Variants in CSGALNACT1 observed in about 807,000 individuals in gnomAD.
CSGALNACT1 encodes the protein chondroitin sulfate N-acetylgalactosaminyltransferase 1.
Under a neutral mutation model 51.0 loss-of-function variants are expected in CSGALNACT1, and 52 were observed. The observed-to-expected ratio is 1.02, with a 90% CI of 0.82 to 1.29. The LOEUF is 1.29. Among genes scored for constraint, CSGALNACT1 ranks in the 50% most tolerant of loss-of-function variants. CSGALNACT1 has a pLI of 0.00. For synonymous variants in CSGALNACT1, 341 were observed against 254.4 expected, an observed-to-expected ratio of 1.34 and a Z score of -3.24; for missense variants, 935 against 679.2, an observed-to-expected ratio of 1.38 and a Z score of -4.19.
chr8:19,737,328 G>A (rs1186513171), intron 1 of CSGALNACT1, among the ~76,000 whole-genome samples: 1 of 151,952 alleles, frequency 6.6e-6, no homozygotes, highest in East Asian at 1.9e-4. Flanking sequence ...TACATAAATG[G>A]GGTTAAACCC....
At chr8:19,479,970 G>A (rs1365994514) in intron 4 of CSGALNACT1, among the ~76,000 whole-genome samples, 1 of 152,136 alleles carries the variant, frequency 6.6e-6, no homozygotes, top group Admixed American at 6.6e-5. Flanking sequence ...CCTCTTTGTA[G>A]AGTACAGAAC....
At chr8:19,726,822 G>A (rs17091140) in intron 1 of CSGALNACT1, among the ~76,000 whole-genome samples, 32 of 152,062 alleles carry the variant, frequency 2.1e-4, no homozygotes, top group African/African-American at 7.5e-4. Flanking sequence ...CAACAGGAAC[G>A]GATTCTGACT....
chr8:19,709,604 G>C (rs1281887180), intron 1 of CSGALNACT1, among the ~76,000 whole-genome samples: 1 of 152,188 alleles, frequency 6.6e-6, no homozygotes, highest in Non-Finnish European at 1.5e-5. Flanking sequence ...GAAAGCCCTT[G>C]GTGACTTCTG....
intron 4 of CSGALNACT1, among the ~76,000 whole-genome samples, chr8:19,500,498 T>C (rs1424380614): frequency 2.0e-5 from 3 of 152,168 alleles, no homozygotes. Context: ...TAAGGACCCA[T>C]TTCCTGTCCG....
rs778966101 is a variant in CSGALNACT1, at chr8:19,420,369, A to C, written c.1103T>G (p.Leu368Arg). 2.5e-6 allele frequency: 4 copies of C among 1,614,210 alleles called. No homozygotes were observed. In the South Asian group the frequency reaches 4.4e-5, roughly 18 times the overall value. ...CTGTGTATTCAGCCTACACGTATTG[A>C]GGAATTCAGATGTGAAGTAGATGTC... The change falls in exon 7 of 10, where the codon CTC becomes CGC. Residue 368 changes from leucine to arginine, a missense_variant. Transcript: ENST00000454498.
At chr8:19,702,882 C>T (rs1474458389) in intron 1 of CSGALNACT1, among the ~76,000 whole-genome samples, 1 of 152,018 alleles carries the variant, frequency 6.6e-6, no homozygotes, top group South Asian at 2.1e-4. Context: ...GTAGCCCAGC[C>T]CCCCACCCAG....
chr8:19,659,866 G>A (rs1203625934), intron 1 of CSGALNACT1, among the ~76,000 whole-genome samples: 1 of 152,186 alleles, frequency 6.6e-6, no homozygotes, highest in Non-Finnish European at 1.5e-5. Context: ...GCTAATCCCA[G>A]ATTGCCTACT....
chr8:19,552,366 T>A (rs2088356079), intron 3 of CSGALNACT1, among the ~76,000 whole-genome samples: 2 of 152,080 alleles, frequency 1.3e-5, no homozygotes, highest in Admixed American at 1.3e-4. Flanking sequence ...TCTGGAATAA[T>A]ATTAAAAGTG....
At chr8:19,651,947 T>C (rs1308964490) in intron 1 of CSGALNACT1, among the ~76,000 whole-genome samples, 3 of 152,040 alleles carry the variant, frequency 2.0e-5, no homozygotes, top group East Asian at 1.9e-4. Flanking sequence ...TTTGACTTTT[T>C]TTAGACAGGC....
At chr8:19,610,575 C>G (rs2052096387) in intron 1 of CSGALNACT1, among the ~76,000 whole-genome samples, 1 of 152,102 alleles carries the variant, frequency 6.6e-6, no homozygotes, top group African/African-American at 2.4e-5. Flanking sequence ...CAGGAACGCA[C>G]CGGCAGGCGC....
intron 9 of CSGALNACT1, among the ~76,000 whole-genome samples, 186 bp downstream of exon 8, chr8:19,408,427 T>G (rs572469300): frequency 1.4e-5 from 2 of 147,326 alleles, no homozygotes; most frequent in Non-Finnish European, 3.0e-5. Flanking sequence ...CCCAAAGCAC[T>G]GGGATTACAG....
intron 1 of CSGALNACT1, among the ~76,000 whole-genome samples, chr8:19,681,948 T>C (rs2060651940): frequency 6.6e-6 from 1 of 152,222 alleles, no homozygotes; most frequent in Non-Finnish European, 1.5e-5. Flanking sequence ...CAGTGTCCAT[T>C]TTCTCAAGGG....
chr8:19,662,401 T>C (rs1314512891), intron 1 of CSGALNACT1, among the ~76,000 whole-genome samples: 2 of 152,002 alleles, frequency 1.3e-5, no homozygotes, highest in African/African-American at 2.4e-5. Flanking sequence ...AAGAAAAATA[T>C]CTGAAATCCA....
chr8:19,585,147 C>G (rs1285095354), intron 3 of CSGALNACT1: 2 of 152,230 alleles, frequency 1.3e-5, no homozygotes, highest in Non-Finnish European at 2.9e-5. Context: ...TGCTTGAACA[C>G]TCACAGTGCT....
intron 3 of CSGALNACT1, among the ~76,000 whole-genome samples, chr8:19,567,722 C>A (rs150665773): frequency 6.6e-6 from 1 of 151,782 alleles, no homozygotes; most frequent in Non-Finnish European, 1.5e-5. Context: ...ATTTTCTATA[C>A]GTAGAAAATA....
At chr8:19,448,001 A>T (rs1046607508) in intron 5 of CSGALNACT1, among the ~76,000 whole-genome samples, 1 of 152,156 alleles carries the variant, frequency 6.6e-6, no homozygotes, top group African/African-American at 2.4e-5. Context: ...GCCATTAGGG[A>T]GTGATAGCCC....
intron 4 of CSGALNACT1, among the ~76,000 whole-genome samples, chr8:19,500,110 C>T (rs2076159499): frequency 1.3e-5 from 2 of 152,186 alleles, no homozygotes; most frequent in Admixed American, 6.5e-5. Context: ...ATAGAGGGGC[C>T]TGGTGAGAGA....
intron 1 of CSGALNACT1, among the ~76,000 whole-genome samples, chr8:19,698,626 C>G (rs2061701082): frequency 6.6e-6 from 1 of 152,184 alleles, no homozygotes; most frequent in Non-Finnish European, 1.5e-5. Flanking sequence ...CTATGTACCT[C>G]ACACTTAGTA....
intron 5 of CSGALNACT1, chr8:19,457,592 G>T: frequency 9.4e-7 from 1 of 1,062,140 alleles, no homozygotes; most frequent in African/African-American, 1.6e-5. Flanking sequence ...CAGCCTGGGT[G>T]ACAGAGTAAG....
Sources: allele counts gnomAD v4.1 joint callset (sites outside exome capture counted in the v4.1 genomes callset), GRCh38; gene constraint gnomAD v4.1.1; transcripts MANE v1.5; gene names NCBI Gene and HGNC (gene_info 2026-07-23, HGNC 2026-07-21).